IMMP2L: variants seen among roughly 807,000 people sequenced by gnomAD.
IMMP2L encodes mitochondrial inner membrane protease subunit 2.
Under a neutral mutation model 19.3 loss-of-function variants are expected in IMMP2L, and 18 were observed. That is an observed-to-expected ratio of 0.93 (90% CI 0.64 to 1.38). IMMP2L has a LOEUF of 1.38. Ranked by LOEUF, IMMP2L falls within the 40% of genes most tolerant of loss-of-function variation. The probability of loss-of-function intolerance (pLI) is 0.00; values close to 1 mark genes in which losing one functional copy is unlikely to be tolerated. For missense variants in IMMP2L, 233 were observed against 218.2 expected (o/e 1.07, Z -0.43); for synonymous variants, 76 against 73.0 (o/e 1.04, Z -0.21).
intron 3 of IMMP2L, among the ~76,000 whole-genome samples, chr7:111,253,529 T>G (rs1371831846): frequency 6.6e-6 from 1 of 152,098 alleles, no homozygotes; most frequent in Non-Finnish European, 1.5e-5. Context: ...TATTTGGCTG[T>G]GAAGACTGCC....
chr7:110,950,848 A>ATATATATATATATATG (rs1382311758), intron 4 of IMMP2L, among the ~76,000 whole-genome samples: 3 of 122,948 alleles, frequency 2.4e-5, no homozygotes, highest in Non-Finnish European at 4.7e-5. Flanking sequence ...TGGCATATAT[A>ATATATATATATATATG]TATATATATA....
chr7:111,277,288 G>T (rs968577563), intron 3 of IMMP2L, among the ~76,000 whole-genome samples: 2 of 151,666 alleles, frequency 1.3e-5, no homozygotes, highest in Non-Finnish European at 1.5e-5. Flanking sequence ...AGTGAGCAAA[G>T]GAATGAACAT....
At chr7:111,189,933 G>A (rs1316610644) in intron 3 of IMMP2L, among the ~76,000 whole-genome samples, 3 of 152,012 alleles carry the variant, frequency 2.0e-5, no homozygotes, top group Admixed American at 1.3e-4. Flanking sequence ...CTATAATAAG[G>A]TTTTGTTTAT....
chr7:111,484,003 T>C (rs1419656727), intron 3 of IMMP2L, among the ~76,000 whole-genome samples: 1 of 152,158 alleles, frequency 6.6e-6, no homozygotes, highest in African/African-American at 2.4e-5. Flanking sequence ...CACAAAACAA[T>C]GAGGAGAGCA....
chr7:111,033,478 T>C (rs1034659908), intron 3 of IMMP2L, among the ~76,000 whole-genome samples: 1 of 152,218 alleles, frequency 6.6e-6, no homozygotes, highest in Non-Finnish European at 1.5e-5. Flanking sequence ...TGTTATTTAT[T>C]CAAATAAGTT....
At chr7:111,515,323 T>A (rs1338115453) in intron 2 of IMMP2L, among the ~76,000 whole-genome samples, 1 of 152,136 alleles carries the variant, frequency 6.6e-6, no homozygotes, top group Non-Finnish European at 1.5e-5. Flanking sequence ...CTAGACAATT[T>A]TTCTTACAGA....
intron 2 of IMMP2L, among the ~76,000 whole-genome samples, chr7:111,488,504 A>C (rs181032202): frequency 2.0e-5 from 3 of 152,170 alleles, no homozygotes; most frequent in African/African-American, 7.2e-5. Flanking sequence ...ATTGCTGTGA[A>C]TAACATTATT....
chr7:110,909,681 G>A (rs1398801270), intron 4 of IMMP2L, among the ~76,000 whole-genome samples: 1 of 151,982 alleles, frequency 6.6e-6, no homozygotes, highest in East Asian at 1.9e-4. Flanking sequence ...CCACTTTCAG[G>A]CCCTCTTGAG....
At chr7:110,685,837 A>G (rs1347316221) in intron 5 of IMMP2L, among the ~76,000 whole-genome samples, 1 of 152,082 alleles carries the variant, frequency 6.6e-6, no homozygotes, top group African/African-American at 2.4e-5. Context: ...CCTCTGGTAG[A>G]GGCATTTGCA....
At chr7:110,859,644 G>A (rs2129542578) in intron 5 of IMMP2L, among the ~76,000 whole-genome samples, 1 of 151,858 alleles carries the variant, frequency 6.6e-6, no homozygotes, top group South Asian at 2.1e-4. Context: ...TCAGGAGGCT[G>A]AGGTGGGAGG....
chr7:111,026,009 A>T (rs2129567817), intron 3 of IMMP2L, among the ~76,000 whole-genome samples: 1 of 148,496 alleles, frequency 6.7e-6, no homozygotes, highest in East Asian at 1.9e-4. Flanking sequence ...TTTTGCTAAT[A>T]TTAAACACAC....
At chr7:111,537,017 A>C (rs1847947071) in intron 1 of IMMP2L, among the ~76,000 whole-genome samples, 1 of 152,144 alleles carries the variant, frequency 6.6e-6, no homozygotes, top group Non-Finnish European at 1.5e-5. Context: ...AAATTGAATC[A>C]ACATCTCTTC....
chr7:111,560,212 C>T (rs1318000696), intron 1 of IMMP2L, among the ~76,000 whole-genome samples: 1 of 152,044 alleles, frequency 6.6e-6, no homozygotes, highest in Non-Finnish European at 1.5e-5. Flanking sequence ...CTTTTATACC[C>T]TCCCAGATTT....
At chr7:111,498,880 A>G (rs981850906) in intron 2 of IMMP2L, among the ~76,000 whole-genome samples, 2 of 152,190 alleles carry the variant, frequency 1.3e-5, no homozygotes, top group African/African-American at 4.8e-5. Flanking sequence ...GATCAAAGCT[A>G]TAAGAACAAA....
chr7:111,242,875 T>C (rs976118750), intron 3 of IMMP2L, among the ~76,000 whole-genome samples: 1 of 152,134 alleles, frequency 6.6e-6, no homozygotes, highest in Non-Finnish European at 1.5e-5. Flanking sequence ...ACTATTTTCT[T>C]TCATAATGAC....
At chr7:110,744,457 C>G (rs933082679) in intron 5 of IMMP2L, among the ~76,000 whole-genome samples, 1 of 152,206 alleles carries the variant, frequency 6.6e-6, no homozygotes, top group African/African-American at 2.4e-5. Context: ...GACTAGGAGA[C>G]ACCTCCCAGT....
chr7:111,155,483 T>C (rs79356843), intron 3 of IMMP2L, among the ~76,000 whole-genome samples: 1,910 of 152,160 alleles, frequency 0.013, 40 homozygotes, highest in African/African-American at 0.043. Context: ...TTAGAATAGG[T>C]GAACTAAGCT....
At chr7:110,769,055 G>T (rs1798862087) in intron 5 of IMMP2L, among the ~76,000 whole-genome samples, 1 of 152,120 alleles carries the variant, frequency 6.6e-6, no homozygotes, top group Non-Finnish European at 1.5e-5. Context: ...TAAATGTTCT[G>T]GTACGTTTTT....
intron 3 of IMMP2L, among the ~76,000 whole-genome samples, chr7:111,400,669 C>G (rs937437469): frequency 1.3e-5 from 2 of 151,940 alleles, no homozygotes; most frequent in African/African-American, 4.8e-5. Context: ...TGTAGATATA[C>G]TGCATGGCTT....
Sources: gnomAD v4.1 joint callset for allele counts (sites outside exome capture counted in the v4.1 genomes callset) on GRCh38, gnomAD v4.1.1 for gene constraint, MANE v1.5 for transcripts, NCBI Gene and HGNC (gene_info 2026-07-23, HGNC 2026-07-21) for gene names.